Variants in SLC25A28 observed in about 807,000 individuals in gnomAD.
The protein encoded by SLC25A28 is mitoferrin-2.
A neutral mutation model predicts 31.9 loss-of-function variants in SLC25A28; 10 were observed. The observed-to-expected ratio is 0.31, with a 90% CI of 0.19 to 0.53. The LOEUF (loss-of-function observed/expected upper bound fraction) is 0.53. Among genes scored for constraint, SLC25A28 ranks in the 20% least tolerant of loss-of-function variants. The pLI is 0.95. For synonymous variants in SLC25A28, 208 were observed against 203.6 expected, an observed-to-expected ratio of 1.02 and a Z score of -0.19; for missense variants, 256 against 490.3, an observed-to-expected ratio of 0.52 and a Z score of 4.51.
At chr10:99,628,843 A>C in the SLC25A28 span, among the ~76,000 whole-genome samples, 1 of 152,176 alleles carries the variant, frequency 6.6e-6, no homozygotes, top group African/African-American at 2.4e-5. Context: ...AAAAAAACCC[A>C]CCACAATCAT....
the SLC25A28 span, among the ~76,000 whole-genome samples, chr10:99,637,309 AT>A: frequency 6.6e-6 from 1 of 152,312 alleles, no homozygotes; most frequent in Non-Finnish European, 1.5e-5. Context: ...AAAGCCATCT[AT>A]GACAAACCCA....
At chr10:99,657,396 A>T in the SLC25A28 span, among the ~76,000 whole-genome samples, 3 of 152,330 alleles carry the variant, frequency 2.0e-5, no homozygotes, top group East Asian at 5.8e-4. Flanking sequence ...GTATCTGTAT[A>T]ATGTTGTGGT....
chr10:99,635,722 A>G, the SLC25A28 span, among the ~76,000 whole-genome samples: 5 of 151,992 alleles, frequency 3.3e-5, no homozygotes, highest in African/African-American at 1.2e-4. Flanking sequence ...TGCCTTCAGG[A>G]GACTCACCTA....
chr10:99,658,547 A>C, the SLC25A28 span, among the ~76,000 whole-genome samples: 2 of 152,160 alleles, frequency 1.3e-5, no homozygotes, highest in African/African-American at 4.8e-5. Flanking sequence ...TAGGGCTTTT[A>C]GGGGAAGGCG....
At chr10:99,625,272 G>A (rs543419157), upstream of SLC25A28, among the ~76,000 whole-genome samples, 1 of 152,044 alleles carries the variant, frequency 6.6e-6, no homozygotes, top group African/African-American at 2.4e-5. Flanking sequence ...GCAGGTTGCT[G>A]CTGCTGGCTA....
chr10:99,652,588 A>T, the SLC25A28 span, among the ~76,000 whole-genome samples: 2 of 152,108 alleles, frequency 1.3e-5, no homozygotes, highest in Non-Finnish European at 2.9e-5. Context: ...TGGAGTCAGA[A>T]TCCTCAAATG....
At chr10:99,641,027 T>C in the SLC25A28 span, among the ~76,000 whole-genome samples, 2 of 152,204 alleles carry the variant, frequency 1.3e-5, no homozygotes, top group Admixed American at 6.5e-5. Context: ...AATAAACATA[T>C]GTGTGCATGT....
At position 99,620,255 on chromosome 10, in the gene SLC25A28, C is replaced by G. The variant is rs2034756083; in HGVS notation, c.81G>C (p.Ala27=). 7.8e-7 allele frequency: 1 copy of G among 1,283,522 alleles called. No individual in the cohort carries two copies. The highest frequency in any genetic ancestry group is 9.8e-7 in the Non-Finnish European group (1 of 1,017,816). The allele number at this position is 1,283,522 out of a possible 1,614,324, so 79.5% of individuals were successfully genotyped here. ...CCCGCTGCAGCCACCCGTCCAGCAGCGCCGACTCCCCGGGGCTCCGCCCGG... is the reference window on the plus strand; with the variant it reads ...CCCGCTGCAGCCACCCGTCCAGCAGGGCCGACTCCCCGGGGCTCCGCCCGG... ...AGPGRSPGES[A]LLDGWLQRGV... is the part of the protein sequence containing the mutation. The change falls in exon 1 of 4, where the codon GCG becomes GCC. Residue 27 remains alanine (A), a synonymous_variant. Coordinates refer to ENST00000370495, the MANE Select transcript of SLC25A28 (RefSeq NM_031212.4).
upstream of SLC25A28, among the ~76,000 whole-genome samples, chr10:99,624,451 C>A (rs1396254363): frequency 6.6e-6 from 1 of 152,122 alleles, no homozygotes; most frequent in Admixed American, 6.6e-5. Flanking sequence ...AGACCTTGGA[C>A]CACACTTTGA....
At chr10:99,649,811 T>C in the SLC25A28 span, among the ~76,000 whole-genome samples, 1 of 152,316 alleles carries the variant, frequency 6.6e-6, no homozygotes, top group African/African-American at 2.4e-5. Flanking sequence ...TAATGTCTCA[T>C]TTTTCATATC....
the SLC25A28 span, among the ~76,000 whole-genome samples, chr10:99,652,660 G>T: frequency 6.6e-6 from 1 of 152,094 alleles, no homozygotes; most frequent in African/African-American, 2.4e-5. Context: ...ACCAAGAGAA[G>T]GGGTTACGTT....
chr10:99,647,146 T>C, the SLC25A28 span, among the ~76,000 whole-genome samples: 1 of 152,268 alleles, frequency 6.6e-6, no homozygotes, highest in East Asian at 1.9e-4. Context: ...ATCTTTTTGA[T>C]ATAATCATTT....
chr10:99,611,425 T>A lies in SLC25A28; in HGVS notation c.578-59A>T. 1 of 1,584,366 alleles carries A rather than the reference T, an allele frequency of 6.3e-7. No individual in the cohort carries two copies. The highest frequency in any genetic ancestry group is 1.8e-4 in the Middle Eastern group (1 of 5,454). ...ACAGCAGCCAACCGGTGATGGAGAG[T>A]ATCCAGATTCAGAGCCCCAAGTCAG... On this transcript the variant is annotated intron_variant, in intron 3 of 3. Transcript: ENST00000370495. This position sits in a 1 kb window ranked among gnomAD's most constrained non-coding sequence, Gnocchi z 5.5.
the SLC25A28 span, among the ~76,000 whole-genome samples, chr10:99,643,607 GC>G: frequency 6.6e-6 from 1 of 152,208 alleles, no homozygotes; most frequent in East Asian, 1.9e-4. Context: ...CCTTCTGCTA[GC>G]TTTTGAATGT....
chr10:99,620,280 G>T lies in SLC25A28; in HGVS notation c.56C>A (p.Pro19His). The change falls in exon 1 of 4, where the codon CCC (proline) becomes CAC (histidine). Residue 19 changes from proline to histidine, a missense_variant. Physicochemically the swap from Pro to His is moderately conservative, Grantham distance 77 (BLOSUM62 -2). Coordinates refer to ENST00000370495, the MANE Select transcript of SLC25A28 (RefSeq NM_031212.4). ...GGVAGGPAAG[P>H]GRSPGESALL... ...CGCCGACTCCCCGGGGCTCCGCCCG[G>T]GCCCTGCCGCCGGCCCCCCCGCCAC... is the stretch of plus-strand genomic sequence containing the variant. 8.4e-7 allele frequency: 1 copy of T among 1,196,670 alleles called. No individual in the cohort carries two copies. The highest frequency in any genetic ancestry group is 1.0e-6 in the Non-Finnish European group (1 of 966,844). 74.1% of individuals were successfully genotyped at this position (1,196,670 alleles called of 1,614,324 possible).
the SLC25A28 span, among the ~76,000 whole-genome samples, chr10:99,629,559 G>A: frequency 6.6e-6 from 1 of 152,206 alleles, no homozygotes; most frequent in Non-Finnish European, 1.5e-5. Flanking sequence ...AATAGATTGT[G>A]TATACATGCA....
chr10:99,642,830 G>A, the SLC25A28 span, among the ~76,000 whole-genome samples: 1 of 152,164 alleles, frequency 6.6e-6, no homozygotes, highest in Non-Finnish European at 1.5e-5. Context: ...TAATCATGTG[G>A]TTTTTGTCTT....
chr10:99,621,571 A>C (rs933039742), upstream of SLC25A28: 2 of 152,338 alleles, frequency 1.3e-5, no homozygotes, highest in African/African-American at 4.8e-5. Context: ...CCCTCGGGTC[A>C]GCCCGGGTCC....
At position 99,611,950 on chromosome 10, in the gene SLC25A28, G is replaced by A. The variant is rs2034532973; in HGVS notation, c.578-584C>T. Among the ~76,000 whole-genome samples, 1 of 152,174 alleles carries A rather than the reference G, an allele frequency of 6.6e-6. No homozygotes were observed. Among genetic ancestry groups the A allele is most frequent in the Admixed American group, 6.5e-5 (1 of 15,284 alleles). Reference sequence around the variant, plus strand: ...TCTGTGGAGCTTCAGCTTAGCTTTGGCTCTTTCCACCCCATGGCCTTGCCC... The same window carrying A: ...TCTGTGGAGCTTCAGCTTAGCTTTGACTCTTTCCACCCCATGGCCTTGCCC... On this transcript the variant is annotated intron_variant, in intron 3 of 3. Transcript: ENST00000370495. The surrounding 1 kb of genome is among the most constrained non-coding windows in gnomAD (Gnocchi z 5.5).
Sources: gnomAD v4.1 joint callset for allele counts (sites outside exome capture counted in the v4.1 genomes callset) on GRCh38, gnomAD v4.1.1 for gene constraint, Gnocchi (gnomAD v3.1) non-coding constraint, MANE v1.5 for transcripts, NCBI Gene and HGNC (gene_info 2026-07-23, HGNC 2026-07-21) for gene names.